Variants in DENND4A observed in about 807,000 individuals in gnomAD.
The protein encoded by DENND4A is DENN domain containing 4A.
Under a neutral mutation model 199.3 loss-of-function variants are expected in DENND4A, and 70 were observed. That is an observed-to-expected ratio of 0.35 (90% CI 0.29 to 0.43). DENND4A has a LOEUF of 0.43. DENND4A is among the 20% of genes least tolerant of loss of function. The probability of loss-of-function intolerance (pLI) is 1.00; values close to 1 mark genes in which losing one functional copy is unlikely to be tolerated. For missense variants in DENND4A, 1,723 were observed against 2,255.8 expected (o/e 0.76, Z 4.78); for synonymous variants, 686 against 766.9 (o/e 0.89, Z 1.74).
Position 65,763,703 on chromosome 15 carries a change from AT to A in DENND4A, c.-101-2266del, listed in dbSNP as rs750241818. Among the ~76,000 whole-genome samples, 177 of 145,310 alleles carry A rather than the reference AT, an allele frequency of 1.2e-3. 1 individual carries two copies. The highest frequency in any genetic ancestry group is 2.5e-3 in the African/African-American group (96 of 38,104). On this transcript the variant is annotated intron_variant, in intron 1 of 32. Transcript: ENST00000443035. ...TCAAAAAAAAAAAAAAAAAAAAAAA[AT>A]TCGATAGTGTCTTGAAATAGAGGGT...
At chr15:65,773,682 G>A (rs2077202694) in intron 1 of DENND4A, among the ~76,000 whole-genome samples, 2 of 152,152 alleles carry the variant, frequency 1.3e-5, no homozygotes, top group African/African-American at 4.8e-5. Context: ...ATATTTGAAA[G>A]ATAACAGTGA....
intron 1 of DENND4A, among the ~76,000 whole-genome samples, chr15:65,763,459 G>A (rs1025515121): frequency 1.3e-5 from 2 of 151,986 alleles, no homozygotes; most frequent in African/African-American, 4.8e-5. Context: ...AGGTTGAGGC[G>A]TGTGGATCAC....
intron 1 of DENND4A, chr15:65,772,048 G>A: frequency 8.4e-6 from 11 of 1,310,784 alleles, no homozygotes; most frequent in Non-Finnish European, 1.2e-5. Flanking sequence ...TCGGCCTTCT[G>A]CAGGAAACGC....
rs556973323 is a variant in DENND4A, at chr15:65,773,841, T to C, written c.-101-12403A>G. ...CAGTCACTTCACAGAACAGTCAACC[T>C]GGGCTTTTTAGGGGTTTTTTTGTTT... On this transcript the variant is annotated intron_variant, in intron 1 of 32. Transcript: ENST00000443035. Among the ~76,000 whole-genome samples the C allele has an allele frequency of 2.3e-4, 35 of 152,320 alleles. No homozygotes were observed. In the South Asian group the frequency reaches 6.6e-3, roughly 29 times the overall value.
At chr15:65,732,722 G>A in intron 8 of DENND4A, 30 bp downstream of exon 8, 1 of 1,376,578 alleles carries the variant, frequency 7.3e-7, no homozygotes, top group Non-Finnish European at 1.0e-6. Context: ...CAACTCATAG[G>A]TCCCCCAATC....
chr15:65,766,280 A>G (rs1182028060), intron 1 of DENND4A, among the ~76,000 whole-genome samples: 1 of 152,064 alleles, frequency 6.6e-6, no homozygotes, highest in Non-Finnish European at 1.5e-5. Context: ...AGATGCAGAA[A>G]CAAACCAAAG....
At chr15:65,704,043 T>C (rs1024889957) in intron 15 of DENND4A, among the ~76,000 whole-genome samples, 2 of 152,190 alleles carry the variant, frequency 1.3e-5, no homozygotes, top group African/African-American at 4.8e-5. Flanking sequence ...TATAGTCAAA[T>C]TCCATAGAAT....
intron 1 of DENND4A, among the ~76,000 whole-genome samples, chr15:65,762,536 C>G (rs1204041000): frequency 6.6e-6 from 1 of 151,846 alleles, no homozygotes; most frequent in Non-Finnish European, 1.5e-5. Context: ...GACTGAGGCA[C>G]GAGAATCACT....
At chr15:65,773,002 CAAAAAAAA>C (rs61241995) in intron 1 of DENND4A, among the ~76,000 whole-genome samples, 4 of 102,158 alleles carry the variant, frequency 3.9e-5, no homozygotes, top group African/African-American at 7.3e-5. Context: ...TGTTTCTAAG[CAAAAAAAA>C]AAAAAAAAAA....
intron 1 of DENND4A, among the ~76,000 whole-genome samples, chr15:65,789,225 T>G (rs2141025423): frequency 6.6e-6 from 1 of 152,310 alleles, no homozygotes; most frequent in Non-Finnish European, 1.5e-5. Flanking sequence ...CTTACTCTGT[T>G]GCCCAGGTTG....
chr15:65,676,165 T>TATATATATATAC (rs1011768963), intron 24 of DENND4A, among the ~76,000 whole-genome samples: 1 of 144,468 alleles, frequency 6.9e-6, no homozygotes, highest in Non-Finnish European at 1.5e-5. Context: ...TATATATATA[T>TATATATATATAC]ACCTATACCT....
At chr15:65,763,566 T>G (rs1396495357) in intron 1 of DENND4A, among the ~76,000 whole-genome samples, 1 of 151,180 alleles carries the variant, frequency 6.6e-6, no homozygotes, top group Non-Finnish European at 1.5e-5. Flanking sequence ...TCCTAGCTCC[T>G]TGGTGGGGCT....
At chr15:65,664,461 T>G (rs940714248) in intron 31 of DENND4A, 67 bp from the exon 32 acceptor site, 11 of 1,520,118 alleles carry the variant, frequency 7.2e-6, no homozygotes, top group Admixed American at 5.8e-5. Context: ...TATAAAAAAT[T>G]TAATGCTATC....
Position 65,753,111 on chromosome 15 carries a change from C to T in DENND4A, c.312-483G>A, listed in dbSNP as rs536543702. 2.0e-4 allele frequency among the ~76,000 whole-genome samples: 31 copies of T among 152,212 alleles called. No homozygotes were observed. In the East Asian group the frequency reaches 4.1e-3, roughly 20 times the overall value. Reference sequence around the variant, plus strand: ...TAAGAGAATGTAACTTCAAATCCATCCTTAATCAAAAGTCTGGGTGAGGCA... The same window carrying T: ...TAAGAGAATGTAACTTCAAATCCATTCTTAATCAAAAGTCTGGGTGAGGCA... On this transcript the variant is annotated intron_variant, in intron 3 of 32. Coordinates refer to ENST00000443035, the MANE Select transcript of DENND4A (RefSeq NM_001320835.1).
At position 65,742,450 on chromosome 15, in the gene DENND4A, A is replaced by AT. The variant is rs772887480; in HGVS notation, c.562-667dup. Among the ~76,000 whole-genome samples the AT allele has an allele frequency of 9.2e-3, 1,234 of 134,408 alleles. 18 individuals are homozygous for AT. Among genetic ancestry groups the AT allele is most frequent in the South Asian group, 0.043 (179 of 4,194 alleles). The allele number at this position is 134,408 out of a possible 152,430, so 88.2% of individuals were successfully genotyped here. On this transcript the variant is annotated intron_variant, in intron 4 of 32. Coordinates refer to ENST00000443035, the MANE Select transcript of DENND4A (RefSeq NM_001320835.1). Reference sequence around the variant, plus strand: ...AGGCACGTGCCACCATGACTGGCTGATTTTTTTTTTTTTTTTTGAGATAGA... The same window carrying AT: ...AGGCACGTGCCACCATGACTGGCTGATTTTTTTTTTTTTTTTTTGAGATAGA...
intron 11 of DENND4A, among the ~76,000 whole-genome samples, chr15:65,726,728 G>C (rs1345593139): frequency 1.3e-5 from 2 of 152,184 alleles, no homozygotes; most frequent in African/African-American, 4.8e-5. Flanking sequence ...GGCCGAGGCA[G>C]GCAGATCACC....
At position 65,697,518 on chromosome 15, in the gene DENND4A, T is replaced by C. The variant is rs562481631; in HGVS notation, c.2834-135A>G. 139 of 600,512 alleles carry C rather than the reference T, an allele frequency of 2.3e-4. No individual in the cohort carries two copies. The African/African-American group carries it at 2.4e-3, about 10-fold the overall frequency. The allele number at this position is 600,512 out of a possible 1,614,324, so 37.2% of individuals were successfully genotyped here. A position where few individuals can be genotyped will look rare whatever the true frequency, so the allele number is the denominator to read the frequency against. ...GACAACTTCCAACTTAAAGCATTAT[T>C]TTGTTAGCTACCCTTAAAGCATTAG... On this transcript the variant is annotated intron_variant, in intron 20 of 32. Transcript: ENST00000443035.
At position 65,661,977 on chromosome 15, in the gene DENND4A, A is replaced by T; in HGVS notation, c.5598T>A (p.Asp1866Glu). The T allele has an allele frequency of 6.2e-7, 1 of 1,607,714 alleles. No homozygotes were observed. Among genetic ancestry groups the T allele is most frequent in the Non-Finnish European group, 8.5e-7 (1 of 1,177,506 alleles). The part of the protein sequence containing the change: ...GRENIDIDAF[D>E]KEYKMAYDRL... ...GATCGTATGCCATCTTGTACTCTTT[A>T]TCAAAAGCATCTGCAGAAATTGATA... Residue 1866 changes from aspartate (D) to glutamate (E), a missense_variant, in exon 33 of 33, where the codon GAT (aspartate) becomes GAA (glutamate). Around this residue, in one of 6 missense-constraint regions of DENND4A, gnomAD observed 164 missense variants for 280.1 expected, o/e 0.59. Coordinates refer to ENST00000443035, the MANE Select transcript of DENND4A (RefSeq NM_001320835.1).
intron 4 of DENND4A, among the ~76,000 whole-genome samples, chr15:65,747,736 A>G (rs892915912): frequency 6.6e-6 from 1 of 151,954 alleles, no homozygotes; most frequent in Admixed American, 6.6e-5. Context: ...AAGAAAGTAA[A>G]AATAGTTTTA....
Sources: gnomAD v4.1 joint callset for allele counts (sites outside exome capture counted in the v4.1 genomes callset) on GRCh38, gnomAD v4.1.1 for gene constraint, gnomAD v4.1.1 regional missense constraint, MANE v1.5 for transcripts, NCBI Gene and HGNC (gene_info 2026-07-23, HGNC 2026-07-21) for gene names.